The following RPTOR variants were observed in gnomAD, a reference collection of about 807,000 sequenced individuals.
The protein encoded by RPTOR is regulatory associated protein of MTOR complex 1, also known as regulatory-associated protein of mTOR.
Under a neutral mutation model 169.9 loss-of-function variants are expected in RPTOR, and 21 were observed. The observed-to-expected ratio is 0.12, with a 90% CI of 0.09 to 0.18. RPTOR has a LOEUF of 0.18. RPTOR is among the 10% of genes least tolerant of loss of function. The pLI is 1.00. For synonymous variants in RPTOR, 732 were observed against 753.2 expected (o/e 0.97, Z 0.46); for missense variants, 1,133 against 1,855.9 (o/e 0.61, Z 7.16).
At chr17:80,813,534 C>T (rs765961078) in intron 7 of RPTOR, among the ~76,000 whole-genome samples, 5 of 152,178 alleles carry the variant, frequency 3.3e-5, no homozygotes, top group Admixed American at 2.0e-4. Flanking sequence ...AGTAACTCTC[C>T]TGTTACTCCA....
chr17:80,574,062 C>G (rs570260464), intron 1 of RPTOR, among the ~76,000 whole-genome samples: 1 of 151,940 alleles, frequency 6.6e-6, no homozygotes. Context: ...CCTGGTAGAA[C>G]TTGCCCATAA....
chr17:80,581,996 C>G (rs539790903), intron 1 of RPTOR, among the ~76,000 whole-genome samples: 153 of 152,302 alleles, frequency 1.0e-3, no homozygotes, highest in Non-Finnish European at 2.0e-3. Context: ...CTTGGATACT[C>G]CTTTCCAGGC....
chr17:80,949,102 C>T (rs974222725), intron 27 of RPTOR, among the ~76,000 whole-genome samples: 1 of 152,192 alleles, frequency 6.6e-6, no homozygotes, highest in African/African-American at 2.4e-5. Context: ...GCCTGCCTCC[C>T]TCCAGGGAAC....
At position 80,797,037 on chromosome 17, in the gene RPTOR, C is replaced by T. The variant is rs187204645; in HGVS notation, c.890+5528C>T. ...ACACAGTGACTTCTCCGCTTAAAAA[C>T]GCTATTTTTATGTTTTTTTAATTTT... On this transcript the variant is annotated intron_variant, in intron 7 of 33. Transcript: ENST00000306801. Among the ~76,000 whole-genome samples, 12 of 152,312 alleles carry T rather than the reference C, an allele frequency of 7.9e-5. No homozygotes were observed. In the East Asian group the frequency reaches 1.2e-3, roughly 15 times the overall value.
chr17:80,901,926 CCTTTGAT>C (rs2068481613), intron 20 of RPTOR, among the ~76,000 whole-genome samples: 1 of 152,152 alleles, frequency 6.6e-6, no homozygotes, highest in African/African-American at 2.4e-5. Context: ...TACTTGGCTT[CCTTTGAT>C]CGCTGATGGA....
intron 6 of RPTOR, among the ~76,000 whole-genome samples, chr17:80,761,725 G>T (rs925823187): frequency 6.6e-6 from 1 of 152,152 alleles, no homozygotes; most frequent in African/African-American, 2.4e-5. Flanking sequence ...CATCTGCTTT[G>T]CCAGAGAACA....
chr17:80,738,099 G>C (rs952530781), intron 5 of RPTOR, among the ~76,000 whole-genome samples: 1 of 152,196 alleles, frequency 6.6e-6, no homozygotes, highest in Admixed American at 6.5e-5. Context: ...CGGGAGAAAT[G>C]GGGGGAAACA....
chr17:80,661,155 G>A (rs2065720600), intron 3 of RPTOR, among the ~76,000 whole-genome samples: 2 of 152,336 alleles, frequency 1.3e-5, no homozygotes, highest in Middle Eastern at 3.4e-3. Flanking sequence ...AAGTGGCAGG[G>A]GTTGAGGGAG....
chr17:80,694,854 C>T (rs748479629), intron 3 of RPTOR, among the ~76,000 whole-genome samples: 1 of 152,170 alleles, frequency 6.6e-6, no homozygotes, highest in Non-Finnish European at 1.5e-5. Context: ...TGTTGGCCTT[C>T]TCGAGGGGAA....
intron 1 of RPTOR, among the ~76,000 whole-genome samples, chr17:80,581,577 G>T (rs6565699): frequency 0.024 from 2,558 of 108,514 alleles, 167 homozygotes; most frequent in African/African-American, 0.086. Context: ...CTGCAGTGGA[G>T]ACCGCACATC....
intron 4 of RPTOR, among the ~76,000 whole-genome samples, chr17:80,718,357 C>A (rs1290313680): frequency 2.0e-5 from 3 of 152,214 alleles, no homozygotes; most frequent in Non-Finnish European, 4.4e-5. Flanking sequence ...TCTACCCTTA[C>A]CCCTCCGGAC....
Position 80,609,932 on chromosome 17 carries a change from C to T in RPTOR, c.163-15759C>T, listed in dbSNP as rs1166036976. Among the ~76,000 whole-genome samples, 1 of 151,590 alleles carries T rather than the reference C, an allele frequency of 6.6e-6. No homozygotes were observed. The highest frequency in any genetic ancestry group is 2.4e-5 in the African/African-American group (1 of 41,222). ...TAGGCCAGGGTGTAGATAGCACATT[C>T]CCCTGCAGTGCCTGCTGGGTCCTGG... On this transcript the variant is annotated intron_variant, in intron 1 of 33. Transcript: ENST00000306801. The surrounding 1 kb of genome is among the most constrained non-coding windows in gnomAD (Gnocchi z 4.8).
chr17:80,850,801 C>T (rs1343804874), intron 11 of RPTOR, among the ~76,000 whole-genome samples: 4 of 152,226 alleles, frequency 2.6e-5, no homozygotes, highest in Non-Finnish European at 4.4e-5. Context: ...CCGCCCTGCT[C>T]ATCAGGTGCC....
At chr17:80,895,312 C>T (rs922710878) in intron 20 of RPTOR, among the ~76,000 whole-genome samples, 1 of 152,192 alleles carries the variant, frequency 6.6e-6, no homozygotes. Context: ...TCCCAGAAGC[C>T]TCCCCAGCCC....
At chr17:80,554,915 A>T (rs997024617) in intron 1 of RPTOR, among the ~76,000 whole-genome samples, 2 of 152,222 alleles carry the variant, frequency 1.3e-5, no homozygotes, top group African/African-American at 4.8e-5. Flanking sequence ...ATTTGTAGAA[A>T]TGTTATTTAT....
At chr17:80,547,244 G>A (rs192367047) in intron 1 of RPTOR, among the ~76,000 whole-genome samples, 65 of 152,166 alleles carry the variant, frequency 4.3e-4, no homozygotes, top group African/African-American at 1.4e-3. Context: ...TCTATCTTAT[G>A]GACATCTTTA....
At chr17:80,805,339 G>A (rs1196963809) in intron 7 of RPTOR, 1 of 152,328 alleles carries the variant, frequency 6.6e-6, no homozygotes, top group Admixed American at 6.5e-5. Context: ...ATGAGATGCA[G>A]CGTGCAGGTG....
chr17:80,927,608 GTCTGT>G (rs1202336383), intron 24 of RPTOR, among the ~76,000 whole-genome samples: 5 of 132,552 alleles, frequency 3.8e-5, no homozygotes, highest in Non-Finnish European at 1.6e-5. Flanking sequence ...CCGTGTGTGT[GTCTGT>G]CTGTCTGTCT....
In RPTOR at chr17:80,674,823, AAAC is replaced by A. The variant is rs1400035596; in HGVS notation, c.348+31017_348+31019del. On this transcript the variant is annotated intron_variant, in intron 3 of 33. Coordinates refer to ENST00000306801, the MANE Select transcript of RPTOR (RefSeq NM_020761.3). ...AAAAAAAAAAAAAAAAAAAAAAAAA[AAAC>A]AACTTCTCAACATAAGGTCTAACAA... Among the ~76,000 whole-genome samples the A allele has an allele frequency of 8.2e-4, 107 of 130,604 alleles. 3 individuals are homozygous for A. Among genetic ancestry groups the A allele is most frequent in the African/African-American group, 2.8e-3 (94 of 33,770 alleles). 85.7% of individuals were successfully genotyped at this position (130,604 alleles called of 152,430 possible). A position where few individuals can be genotyped will look rare whatever the true frequency, so the allele number is the denominator to read the frequency against.
Sources: gnomAD v4.1 joint callset for allele counts (sites outside exome capture counted in the v4.1 genomes callset) on GRCh38, gnomAD v4.1.1 for gene constraint, Gnocchi (gnomAD v3.1) non-coding constraint, MANE v1.5 for transcripts, NCBI Gene and HGNC (gene_info 2026-07-23, HGNC 2026-07-21) for gene names.